PRKCE: variants seen among roughly 807,000 people sequenced by gnomAD.
The protein encoded by PRKCE is protein kinase C epsilon type.
Under a neutral mutation model 85.4 loss-of-function variants are expected in PRKCE, and 16 were observed. That is an observed-to-expected ratio of 0.19 (90% CI 0.13 to 0.28). The LOEUF (loss-of-function observed/expected upper bound fraction) is 0.28. PRKCE is among the 10% of genes least tolerant of loss of function. PRKCE has a pLI of 1.00. For synonymous variants in PRKCE, 388 were observed against 371.5 expected (o/e 1.04, Z -0.51); for missense variants, 573 against 975.2 (o/e 0.59, Z 5.49).
At chr2:46,175,249 T>G (rs966745301) in intron 14 of PRKCE, among the ~76,000 whole-genome samples, 4 of 152,182 alleles carry the variant, frequency 2.6e-5, no homozygotes, top group African/African-American at 9.7e-5. Flanking sequence ...TTGCCTCCAG[T>G]GAAAACTAAT....
At chr2:46,043,604 T>C (rs1363511759) in intron 10 of PRKCE, among the ~76,000 whole-genome samples, 1 of 151,990 alleles carries the variant, frequency 6.6e-6, no homozygotes, top group African/African-American at 2.4e-5. Context: ...GAGTTCTTGG[T>C]TGTGTGTTTG....
intron 10 of PRKCE, among the ~76,000 whole-genome samples, chr2:46,062,865 G>C (rs774849196): frequency 1.2e-4 from 18 of 152,100 alleles, no homozygotes; most frequent in Non-Finnish European, 2.1e-4. Context: ...CTGGGCTCAA[G>C]TGATCCTCCC....
chr2:45,744,517 TTTCTTTCTTTTTCTTTCC>T (rs760585414), intron 1 of PRKCE, among the ~76,000 whole-genome samples: 8,190 of 59,594 alleles, frequency 0.14, 686 homozygotes, highest in Middle Eastern at 0.24. Flanking sequence ...TCTTTCTTTC[TTTCTTTCTTTTTCTTTCC>T]TTCTTTCTTT....
intron 11 of PRKCE, among the ~76,000 whole-genome samples, chr2:46,125,307 CTGTT>C (rs974926735): frequency 2.0e-5 from 3 of 152,160 alleles, no homozygotes; most frequent in African/African-American, 7.2e-5. Flanking sequence ...ACAAGGAGGA[CTGTT>C]TGGTTGCTGA....
chr2:45,899,665 G>A (rs888029742), intron 2 of PRKCE, among the ~76,000 whole-genome samples: 5 of 152,192 alleles, frequency 3.3e-5, no homozygotes, highest in African/African-American at 1.2e-4. Flanking sequence ...TTACAGGCAT[G>A]AGCTACTGTG....
chr2:45,654,852 A>G (rs1675306058), intron 1 of PRKCE, among the ~76,000 whole-genome samples: 1 of 152,120 alleles, frequency 6.6e-6, no homozygotes, highest in Non-Finnish European at 1.5e-5. Flanking sequence ...AATGGAGACA[A>G]GTTGCAGCTG....
At chr2:46,125,263 A>C (rs1167539629) in intron 11 of PRKCE, among the ~76,000 whole-genome samples, 2 of 152,224 alleles carry the variant, frequency 1.3e-5, no homozygotes, top group Admixed American at 1.3e-4. Context: ...ACTGATAGGA[A>C]GGGAAAATAG....
chr2:46,183,976 C>T (rs748000853), intron 14 of PRKCE, among the ~76,000 whole-genome samples: 33 of 152,292 alleles, frequency 2.2e-4, no homozygotes, highest in Middle Eastern at 3.4e-3. Context: ...AACCATAAGG[C>T]ACACAGTTGT....
intron 11 of PRKCE, among the ~76,000 whole-genome samples, chr2:46,141,439 A>G (rs868720712): frequency 1.9e-4 from 29 of 152,240 alleles, no homozygotes; most frequent in African/African-American, 2.7e-4. Flanking sequence ...TATGTAAAGT[A>G]TGATCAAGAG....
intron 8 of PRKCE, among the ~76,000 whole-genome samples, chr2:46,006,504 G>A (rs186183984): frequency 4.1e-4 from 62 of 152,316 alleles, no homozygotes; most frequent in Non-Finnish European, 4.4e-5. Flanking sequence ...CTTCTGAAAA[G>A]AAGCTGAAGA....
At chr2:46,093,387 G>C (rs1334622706) in intron 11 of PRKCE, among the ~76,000 whole-genome samples, 1 of 144,816 alleles carries the variant, frequency 6.9e-6, no homozygotes, top group Non-Finnish European at 1.5e-5. Flanking sequence ...ATGGTGTTTT[G>C]GTTAATAAAA....
chr2:46,039,829 C>G (rs1168715403), intron 10 of PRKCE, among the ~76,000 whole-genome samples: 2 of 152,188 alleles, frequency 1.3e-5, no homozygotes, highest in African/African-American at 4.8e-5. Context: ...ATATTCTCCA[C>G]TGATCCAGGA....
At chr2:45,751,207 C>G (rs965342019) in intron 1 of PRKCE, among the ~76,000 whole-genome samples, 3 of 152,220 alleles carry the variant, frequency 2.0e-5, no homozygotes, top group African/African-American at 7.2e-5. Flanking sequence ...TTTCATCTGC[C>G]ATAATGGTGT....
chr2:46,044,567 G>A (rs1207077155), intron 10 of PRKCE, among the ~76,000 whole-genome samples: 1 of 152,166 alleles, frequency 6.6e-6, no homozygotes, highest in African/African-American at 2.4e-5. Context: ...CTTGAGTTGA[G>A]AGAGTTGCTA....
intron 11 of PRKCE, among the ~76,000 whole-genome samples, chr2:46,118,476 T>A (rs977552317): frequency 1.3e-5 from 2 of 152,224 alleles, no homozygotes; most frequent in African/African-American, 4.8e-5. Context: ...ATCAGTGTGA[T>A]CTGGTATCAG....
chr2:45,910,594 C>T (rs751222788), intron 2 of PRKCE, among the ~76,000 whole-genome samples: 1 of 152,196 alleles, frequency 6.6e-6, no homozygotes, highest in Non-Finnish European at 1.5e-5. Context: ...TTACTTCACA[C>T]TTCCTAAACA....
intron 11 of PRKCE, among the ~76,000 whole-genome samples, chr2:46,134,651 A>G (rs760276688): frequency 5.3e-5 from 8 of 152,232 alleles, no homozygotes; most frequent in Admixed American, 6.5e-5. Flanking sequence ...TAGACTGGAA[A>G]GGCCCTTGGG....
intron 1 of PRKCE, among the ~76,000 whole-genome samples, chr2:45,732,145 G>A (rs1681633192): frequency 6.6e-6 from 1 of 151,964 alleles, no homozygotes; most frequent in African/African-American, 2.4e-5. Flanking sequence ...ATTTATGAGA[G>A]CTTTTTTTTG....
At chr2:46,076,434 G>A (rs144603218) in intron 10 of PRKCE, among the ~76,000 whole-genome samples, 46 of 152,244 alleles carry the variant, frequency 3.0e-4, no homozygotes, top group Non-Finnish European at 4.1e-4. Context: ...ACAGGGTGGC[G>A]GTAATTTGAG....
Sources: gnomAD v4.1 joint callset for allele counts (sites outside exome capture counted in the v4.1 genomes callset) on GRCh38, gnomAD v4.1.1 for gene constraint, MANE v1.5 for transcripts, NCBI Gene and HGNC (gene_info 2026-07-23, HGNC 2026-07-21) for gene names.